Variants in LAIR2 observed in about 807,000 individuals in gnomAD.
The protein encoded by LAIR2 is leukocyte associated immunoglobulin like receptor 2.
LAIR2 carries 14 observed loss-of-function variants against 14.8 expected under a neutral mutation model. That is an observed-to-expected ratio of 0.95 (90% CI 0.62 to 1.48). The LOEUF is 1.48. Ranked by LOEUF, LAIR2 falls within the 40% of genes most tolerant of loss-of-function variation. The pLI is 0.00. For missense variants in LAIR2, 172 were observed against 180.9 expected, an observed-to-expected ratio of 0.95 and a Z score of 0.28; for synonymous variants, 75 against 74.5, an observed-to-expected ratio of 1.01 and a Z score of -0.03.
In LAIR2 at chr19:54,510,515, T is replaced by C. The variant is rs1244337929; in HGVS notation, c.416-11T>C. ...TCCTATTAATACTGAGGAAGTATTT[T>C]GTCCTCACAGGGACTGTGCCAGGCA... On this transcript the variant is annotated splice_polypyrimidine_tract_variant and intron_variant, in intron 4 of 4. Coordinates refer to ENST00000301202, the MANE Select transcript of LAIR2 (RefSeq NM_002288.6). The C allele has an allele frequency of 1.2e-6, 2 of 1,609,236 alleles. No individual in the cohort carries two copies. The highest frequency in any genetic ancestry group is 3.3e-5 in the Admixed American group (2 of 59,958).
In LAIR2 at chr19:54,508,126, C is replaced by T; in HGVS notation, c.306C>T (p.Leu102=). 1.9e-6 allele frequency: 3 copies of T among 1,614,156 alleles called. No homozygotes were observed. Among genetic ancestry groups the T allele is most frequent in the East Asian group, 2.2e-5 (1 of 44,886 alleles). The change falls in exon 3 of 5, where the codon CTC becomes CTT. Residue 102 remains leucine, a synonymous_variant. Transcript: ENST00000301202. ...GAAATGCCGGGCTTTATCGCTGCCT[C>T]TATTATAAGCCCCCTGGATGGTCTG... The part of the protein sequence containing the change: ...SEGNAGLYRC[L]YYKPPGWSEH...
intron 2 of LAIR2, 35 bp from the exon 3 acceptor site, chr19:54,507,856 G>T (rs1291534589): frequency 6.3e-7 from 1 of 1,592,374 alleles, no homozygotes. Context: ...ACTTCCTACA[G>T]TGGACGCTGA....
Position 54,502,860 on chromosome 19 carries a change from G to GC in LAIR2, c.-54dup, listed in dbSNP as rs2085298053. The GC allele has an allele frequency of 3.1e-6, 5 of 1,608,844 alleles. No individual in the cohort carries two copies. In the African/African-American group the frequency reaches 5.3e-5, roughly 17 times the overall value. On this transcript the variant is annotated 5_prime_UTR_variant, in exon 1 of 5. Coordinates refer to ENST00000301202, the MANE Select transcript of LAIR2 (RefSeq NM_002288.6). Reference sequence around the variant, plus strand: ...GCTGTGGAAGCCCCACGGGCAGGAGGCCCCCGGCCAGCACATCCTGTCTGC... The same window carrying GC: ...GCTGTGGAAGCCCCACGGGCAGGAGGCCCCCCGGCCAGCACATCCTGTCTGC...
chr19:54,510,651 A>T lies in LAIR2; in HGVS notation c.*82A>T. 6.9e-7 allele frequency: 1 copy of T among 1,449,528 alleles called. No homozygotes were observed. Among genetic ancestry groups the T allele is most frequent in the Non-Finnish European group, 9.7e-7 (1 of 1,032,410 alleles). The allele number at this position is 1,449,528 out of a possible 1,614,324, so 89.8% of individuals were successfully genotyped here. ...GAGCAATAGAAATGCACAGATGCCT[A>T]TACATACATATACAAATAAAAAGAT... On this transcript the variant is annotated 3_prime_UTR_variant, in exon 5 of 5. Coordinates refer to ENST00000301202, the MANE Select transcript of LAIR2 (RefSeq NM_002288.6).
At chr19:54,506,806 G>T (rs1374344139) in intron 2 of LAIR2, among the ~76,000 whole-genome samples, 1 of 152,204 alleles carries the variant, frequency 6.6e-6, no homozygotes, top group Non-Finnish European at 1.5e-5. Context: ...GGAGATGCTG[G>T]TCAAAGGATA....
At chr19:54,506,322 A>G (rs910449521) in intron 2 of LAIR2, among the ~76,000 whole-genome samples, 2 of 152,202 alleles carry the variant, frequency 1.3e-5, no homozygotes, top group African/African-American at 4.8e-5. Flanking sequence ...AGCAATGTCC[A>G]ATAATGTAAT....
Position 54,505,211 on chromosome 19 carries a change from A to T in LAIR2, c.70+1476A>T, listed in dbSNP as rs1318747690. The stretch of plus-strand genomic sequence containing the variant: ...ATTTCCACAATGAGAATTCAAACCC[A>T]ACACAACCAAGGCTGAACCCGGCAC... On this transcript the variant is annotated intron_variant, in intron 2 of 4. Transcript: ENST00000301202. Among the ~76,000 whole-genome samples the T allele has an allele frequency of 3.9e-5, 6 of 152,244 alleles. No homozygotes were observed. The South Asian group carries it at 1.0e-3, about 26-fold the overall frequency.
At chr19:54,504,848 G>C (rs891542552) in intron 2 of LAIR2, among the ~76,000 whole-genome samples, 1 of 152,108 alleles carries the variant, frequency 6.6e-6, no homozygotes, top group Admixed American at 6.6e-5. Flanking sequence ...GACCTCAGGT[G>C]ATCCACCCAC....
intron 2 of LAIR2, among the ~76,000 whole-genome samples, 171 bp downstream of exon 2, chr19:54,503,906 C>G (rs1288612939): frequency 6.6e-6 from 1 of 152,094 alleles, no homozygotes; most frequent in Non-Finnish European, 1.5e-5. Context: ...TTCTCTCCTT[C>G]ATTCTCCACC....
intron 2 of LAIR2, among the ~76,000 whole-genome samples, chr19:54,507,634 G>A (rs111322583): frequency 5.3e-5 from 8 of 152,182 alleles, no homozygotes; most frequent in East Asian, 1.9e-4. Context: ...CACTTCCCAC[G>A]TGACCCTGAG....
chr19:54,504,339 A>C (rs1280061451), intron 2 of LAIR2, among the ~76,000 whole-genome samples: 3 of 152,218 alleles, frequency 2.0e-5, no homozygotes, highest in African/African-American at 7.2e-5. Flanking sequence ...GTATGTAAAC[A>C]TTGTGGAAAG....
chr19:54,508,385 A>G (rs116635109), intron 3 of LAIR2, among the ~76,000 whole-genome samples: 14,368 of 151,992 alleles, frequency 0.095, 758 homozygotes, highest in Middle Eastern at 0.16. Flanking sequence ...TGGAGCCCTG[A>G]TCTCCTCTGG....
chr19:54,502,892 C>T lies in LAIR2; in HGVS notation c.-27C>T, dbSNP rs746213042. On this transcript the variant is annotated 5_prime_UTR_variant, in exon 1 of 5. Coordinates refer to ENST00000301202, the MANE Select transcript of LAIR2 (RefSeq NM_002288.6). ...GCCAGCACATCCTGTCTGCTTGTGT[C>T]TGCTGCAGAGTTCTGGGACCGGGGC... is the stretch of plus-strand genomic sequence containing the variant. The T allele has an allele frequency of 6.2e-7, 1 of 1,614,152 alleles. No homozygotes were observed. Among genetic ancestry groups the T allele is most frequent in the Non-Finnish European group, 8.5e-7 (1 of 1,179,974 alleles).
chr19:54,508,846 C>G (rs2085415817), intron 3 of LAIR2, among the ~76,000 whole-genome samples, 189 bp from the exon 4 acceptor site: 1 of 152,256 alleles, frequency 6.6e-6, no homozygotes, highest in African/African-American at 2.4e-5. Context: ...GAGTGACCAG[C>G]CCCAGGGAGA....
rs2085394486 is a variant in LAIR2, at chr19:54,507,967, C to G, written c.147C>G (p.Cys49Trp). ...CGGGGAGCCATGTGACTTTCATGTG[C>G]CGGGGCCCGGTTGGGGTTCAAACAT... ...ISPGSHVTFM[C>W]RGPVGVQTFR... The change falls in exon 3 of 5, where the codon TGC (cysteine) becomes TGG (tryptophan). Residue 49 changes from cysteine (C) to tryptophan (W), a missense_variant. Transcript: ENST00000301202. 6.2e-7 allele frequency: 1 copy of G among 1,613,998 alleles called. No homozygotes were observed. Among genetic ancestry groups the G allele is most frequent in the African/African-American group, 1.3e-5 (1 of 74,902 alleles).
rs2085453657 is a variant in LAIR2, at chr19:54,510,658, C to A, written c.*89C>A. ...AGAAATGCACAGATGCCTATACATACATATACAAATAAAAAGATACGATTC... is the reference window on the plus strand; with the variant it reads ...AGAAATGCACAGATGCCTATACATAAATATACAAATAAAAAGATACGATTC... On this transcript the variant is annotated 3_prime_UTR_variant, in exon 5 of 5. Coordinates refer to ENST00000301202, the MANE Select transcript of LAIR2 (RefSeq NM_002288.6). 6.9e-7 allele frequency: 1 copy of A among 1,440,504 alleles called. No homozygotes were observed. The highest frequency in any genetic ancestry group is 2.3e-5 in the East Asian group (1 of 44,008). The allele number at this position is 1,440,504 out of a possible 1,614,324, so 89.2% of individuals were successfully genotyped here.
At chr19:54,504,402 G>C (rs1049099171) in intron 2 of LAIR2, among the ~76,000 whole-genome samples, 1 of 152,080 alleles carries the variant, frequency 6.6e-6, no homozygotes, top group Non-Finnish European at 1.5e-5. Context: ...ATTGTGATGA[G>C]AACATTTAAA....
intron 2 of LAIR2, 111 bp downstream of exon 2, chr19:54,503,846 AC>A: frequency 7.5e-7 from 1 of 1,326,434 alleles, no homozygotes; most frequent in South Asian, 1.2e-5. Context: ...CTTTAAATAT[AC>A]CCTAGATTGC....
rs1323234982 is a variant in LAIR2 at position 54,508,199 on chromosome 19, T to C, written c.364+15T>C. The C allele has an allele frequency of 6.2e-7, 1 of 1,601,354 alleles. No individual in the cohort carries two copies. ...GCTGGTGAAAGGTGAGGACGTCACC[T>C]GGGCCCTGCCCCAGTCTCAGCTCGA... On this transcript the variant is annotated intron_variant, in intron 3 of 4. Transcript: ENST00000301202.
Sources: gnomAD v4.1 joint callset for allele counts (sites outside exome capture counted in the v4.1 genomes callset) on GRCh38, gnomAD v4.1.1 for gene constraint, MANE v1.5 for transcripts, NCBI Gene and HGNC (gene_info 2026-07-23, HGNC 2026-07-21) for gene names.